SEMA4F: variants seen among roughly 807,000 people sequenced by gnomAD.
SEMA4F encodes ssemaphorin 4F.
A neutral mutation model predicts 78.4 loss-of-function variants in SEMA4F; 51 were observed. The ratio of observed to expected loss-of-function variants is 0.65; its 90% CI spans 0.52 to 0.82. The LOEUF (loss-of-function observed/expected upper bound fraction) is 0.82. Among genes scored for constraint, SEMA4F ranks in the 40% least tolerant of loss-of-function variants. The pLI, the probability that SEMA4F is intolerant of heterozygous loss-of-function variation, is 0.00. For missense variants in SEMA4F, 938 were observed against 1,014.4 expected, an observed-to-expected ratio of 0.92 and a Z score of 1.02; for synonymous variants, 418 against 408.7, an observed-to-expected ratio of 1.02 and a Z score of -0.27.
the SEMA4F span, among the ~76,000 whole-genome samples, chr2:74,699,868 G>A: frequency 6.6e-6 from 1 of 152,172 alleles, no homozygotes; most frequent in Non-Finnish European, 1.5e-5. Flanking sequence ...GAGAACATAG[G>A]GCTGAGGAGA....
intron 5 of SEMA4F, among the ~76,000 whole-genome samples, chr2:74,669,715 A>C (rs994069707): frequency 8.5e-5 from 13 of 152,054 alleles, no homozygotes; most frequent in African/African-American, 3.1e-4. Context: ...GAAATTTTAA[A>C]CCCCCAGGCT....
intron 5 of SEMA4F, among the ~76,000 whole-genome samples, chr2:74,668,575 G>A (rs1179378967): frequency 6.6e-6 from 1 of 151,260 alleles, no homozygotes; most frequent in East Asian, 1.9e-4. Context: ...AAAAGGCAGT[G>A]GAAGAAGAAA....
chr2:74,657,829 T>C, intron 3 of SEMA4F, 24 bp from the exon 4 acceptor site: 2 of 1,607,058 alleles, frequency 1.2e-6, no homozygotes, highest in Non-Finnish European at 1.7e-6. Flanking sequence ...CTTCTGATTC[T>C]TTCTAACCGT....
At chr2:74,660,483 C>T (rs147218669) in intron 4 of SEMA4F, among the ~76,000 whole-genome samples, 2 of 152,388 alleles carry the variant, frequency 1.3e-5, no homozygotes, top group East Asian at 3.9e-4. Flanking sequence ...AGTTCCAACC[C>T]ATAGCTCAGA....
In SEMA4F at chr2:74,675,158, C is replaced by T. The variant is rs1685199731; in HGVS notation, c.1150-4C>T. The T allele has an allele frequency of 6.2e-7, 1 of 1,614,110 alleles. No individual in the cohort carries two copies. Among genetic ancestry groups the T allele is most frequent in the East Asian group, 2.2e-5 (1 of 44,872 alleles). The stretch of plus-strand genomic sequence containing the variant: ...CTTTGTCACCAGCCCTGTATTTCCT[C>T]TAGTGCATCACCAACAACATGAAGC... On this transcript the variant is annotated splice_region_variant and splice_polypyrimidine_tract_variant and intron_variant, in intron 9 of 13. Coordinates refer to ENST00000357877, the MANE Select transcript of SEMA4F (RefSeq NM_004263.5).
chr2:74,667,886 TC>T (rs1684776209), intron 5 of SEMA4F, among the ~76,000 whole-genome samples: 1 of 152,170 alleles, frequency 6.6e-6, no homozygotes, highest in African/African-American at 2.4e-5. Context: ...TTCTGATGGC[TC>T]CCAAATCTGC....
rs1685681988 is a variant in SEMA4F, at chr2:74,682,615, T to C, written c.*2406T>C. On this transcript the variant is annotated 3_prime_UTR_variant, in exon 14 of 14. Transcript: ENST00000357877. ...CTGACCTTAGTGGCCTGAGATCCCT[T>C]TGTATAGAATGGAGGAAGGCTGTGT... The C allele has an allele frequency of 1.3e-5, 2 of 152,040 alleles. No individual in the cohort carries two copies. The highest frequency in any genetic ancestry group is 2.4e-5 in the African/African-American group (1 of 41,368). 9.4% of individuals were successfully genotyped at this position (152,040 alleles called of 1,614,324 possible). A position where few individuals can be genotyped will look rare whatever the true frequency, so the allele number is the denominator to read the frequency against.
chr2:74,696,255 G>C, the SEMA4F span, among the ~76,000 whole-genome samples: 1 of 145,150 alleles, frequency 6.9e-6, no homozygotes, highest in Non-Finnish European at 1.5e-5. Flanking sequence ...GAGTGCAGTG[G>C]TATGATCTTG....
chr2:74,691,367 G>A, the SEMA4F span, among the ~76,000 whole-genome samples: 1 of 152,218 alleles, frequency 6.6e-6, no homozygotes, highest in Non-Finnish European at 1.5e-5. Context: ...TGGACAAGGT[G>A]TGCAGCCTTC....
At chr2:74,662,567 G>A (rs1573233437) in intron 4 of SEMA4F, among the ~76,000 whole-genome samples, 165 bp from the exon 5 acceptor site, 2 of 152,158 alleles carry the variant, frequency 1.3e-5, no homozygotes, top group South Asian at 2.1e-4. Flanking sequence ...GTAGATGGGG[G>A]CATCAGGAAT....
chr2:74,655,802 G>A (rs1377972794), intron 1 of SEMA4F, among the ~76,000 whole-genome samples: 1 of 152,076 alleles, frequency 6.6e-6, no homozygotes, highest in Non-Finnish European at 1.5e-5. Context: ...GAAGGAGTGG[G>A]CGGGACTCAT....
Position 74,657,870 on chromosome 2 carries a change from T to C in SEMA4F, c.375T>C (p.Phe125=). 3.7e-6 allele frequency: 6 copies of C among 1,614,210 alleles called. No individual in the cohort carries two copies. In the South Asian group the frequency reaches 5.5e-5, roughly 15 times the overall value. ...ACCCCCAGGACGAATGTCACAATTT[T>C]GTCCAGATTCTCGCCATTGCCAATG... ...KGKKEDECHN[F]VQILAIANAS... Residue 125 remains phenylalanine, a synonymous_variant, in exon 4 of 14, where the codon TTT becomes TTC. Coordinates refer to ENST00000357877, the MANE Select transcript of SEMA4F (RefSeq NM_004263.5).
At position 74,674,646 on chromosome 2, in the gene SEMA4F, C is replaced by T. The variant is rs192986592; in HGVS notation, c.971C>T (p.Pro324Leu). 9.5e-5 allele frequency: 153 copies of T among 1,614,024 alleles called. No individual in the cohort carries two copies. The African/African-American group carries it at 1.7e-3, about 18-fold the overall frequency. The change falls in exon 8 of 14, where the codon CCC becomes CTC. Residue 324 changes from proline (P) to leucine (L), a missense_variant. Coordinates refer to ENST00000357877, the MANE Select transcript of SEMA4F (RefSeq NM_004263.5). ...CGACCTGAGCTTGGGGCAGGGACTC[C>T]CATCTTTTATGGCATCTTTTCTTCC... The part of the protein sequence containing the change: ...VLRPELGAGT[P>L]IFYGIFSSQW...
In SEMA4F at chr2:74,675,274, C is replaced by G; in HGVS notation, c.1262C>G (p.Ala421Gly). 1.2e-6 allele frequency: 2 copies of G among 1,614,222 alleles called. No homozygotes were observed. ...HPLMDRPVFP[A>G]DGHPLLVTTD... Reference sequence around the variant, plus strand: ...CTCATGGACAGGCCAGTGTTTCCAGCTGATGGCCACCCCCTGCTGGTCACT... The same window carrying G: ...CTCATGGACAGGCCAGTGTTTCCAGGTGATGGCCACCCCCTGCTGGTCACT... Residue 421 changes from alanine to glycine, a missense_variant, in exon 10 of 14, where the codon GCT becomes GGT. Physicochemically the swap from Ala to Gly is moderately conservative, Grantham distance 60. Transcript: ENST00000357877.
Position 74,662,412 on chromosome 2 carries a change from A to C in SEMA4F, c.457-320A>C, listed in dbSNP as rs193135302. On this transcript the variant is annotated intron_variant, in intron 4 of 13. Transcript: ENST00000357877. The stretch of plus-strand genomic sequence containing the variant: ...CTACAGTTCAGCAGTGTTTCAGAGG[A>C]AAGACCTACCTTCAGCCTCTTAGGT... Among the ~76,000 whole-genome samples, 20 of 152,298 alleles carry C rather than the reference A, an allele frequency of 1.3e-4. No individual in the cohort carries two copies. The East Asian group carries it at 3.7e-3, about 28-fold the overall frequency.
intron 4 of SEMA4F, among the ~76,000 whole-genome samples, chr2:74,660,071 C>A (rs1684350370): frequency 6.6e-6 from 1 of 152,314 alleles, no homozygotes; most frequent in African/African-American, 2.4e-5. Context: ...ACAATGACAA[C>A]CATTCAGTTG....
In SEMA4F at chr2:74,663,370, G is replaced by A. The variant is rs138062575; in HGVS notation, c.550+545G>A. Among the ~76,000 whole-genome samples the A allele has an allele frequency of 8.3e-4, 126 of 152,256 alleles. 2 individuals carry two copies. The East Asian group carries it at 0.018, about 22-fold the overall frequency. ...ATAGGCCTGTGTGTCTAGTGGTACC[G>A]TATTAGTGTAATTCTAAAATATCTC... is the stretch of plus-strand genomic sequence containing the variant. On this transcript the variant is annotated intron_variant, in intron 5 of 13. Coordinates refer to ENST00000357877, the MANE Select transcript of SEMA4F (RefSeq NM_004263.5).
chr2:74,686,442 A>T (rs1301685610), downstream of SEMA4F, among the ~76,000 whole-genome samples: 5 of 152,232 alleles, frequency 3.3e-5, no homozygotes, highest in Admixed American at 3.3e-4. Context: ...AGTGTAAATT[A>T]GTTCCACCAT....
intron 5 of SEMA4F, among the ~76,000 whole-genome samples, chr2:74,673,187 A>C (rs1050481610): frequency 6.6e-6 from 1 of 152,186 alleles, no homozygotes; most frequent in East Asian, 1.9e-4. Context: ...AACAAGCTTG[A>C]TTTTTATGAG....
Sources: allele counts gnomAD v4.1 joint callset (sites outside exome capture counted in the v4.1 genomes callset), GRCh38; gene constraint gnomAD v4.1.1; transcripts MANE v1.5; gene names NCBI Gene and HGNC (gene_info 2026-07-23, HGNC 2026-07-21).